The following EPHB1 variants were observed in gnomAD, a reference collection of about 807,000 sequenced individuals.
EPHB1 encodes EPH receptor B1.
Under a neutral mutation model 94.4 loss-of-function variants are expected in EPHB1, and 30 were observed. The observed-to-expected ratio is 0.32, with a 90% CI of 0.24 to 0.43. The LOEUF (loss-of-function observed/expected upper bound fraction) is 0.43, where lower values mean the gene tolerates loss of function less well. Among genes scored for constraint, EPHB1 ranks in the 20% least tolerant of loss-of-function variants. EPHB1 has a pLI of 1.00. For missense variants in EPHB1, 1,055 were observed against 1,308.3 expected, an observed-to-expected ratio of 0.81 and a Z score of 2.99; for synonymous variants, 522 against 489.1, an observed-to-expected ratio of 1.07 and a Z score of -0.89.
Position 134,982,039 on chromosome 3 carries a change from C to G in EPHB1, c.805+29987C>G, listed in dbSNP as rs750843866. Among the ~76,000 whole-genome samples the G allele has an allele frequency of 5.9e-5, 9 of 152,208 alleles. 1 individual carries two copies. Among genetic ancestry groups the G allele is most frequent in the Non-Finnish European group, 1.5e-5 (1 of 68,044 alleles). On this transcript the variant is annotated intron_variant, in intron 3 of 15. Transcript: ENST00000398015. ...TTACAAATGAGTAAGTTTAACTTCA[C>G]AGGGGTTAAGTTGCTCGTTCAATAT...
At chr3:134,908,821 C>T (rs1281301279) in intron 1 of EPHB1, among the ~76,000 whole-genome samples, 2 of 152,040 alleles carry the variant, frequency 1.3e-5, no homozygotes, top group African/African-American at 4.8e-5. Context: ...AGCTTCTTGT[C>T]AGAGTCCTTC....
intron 1 of EPHB1, among the ~76,000 whole-genome samples, chr3:134,807,281 G>C (rs1325882664): frequency 1.3e-5 from 2 of 152,102 alleles, no homozygotes; most frequent in Non-Finnish European, 2.9e-5. Flanking sequence ...CACTGTACTC[G>C]GAACTGAAAA....
In EPHB1 at chr3:134,935,305, C is replaced by T. The variant is rs913578394; in HGVS notation, c.123+9425C>T. On this transcript the variant is annotated intron_variant, in intron 2 of 15. Coordinates refer to ENST00000398015, the MANE Select transcript of EPHB1 (RefSeq NM_004441.5). Reference sequence around the variant, plus strand: ...ATAAGACGAACAGGAGGAAAACAGGCGAAGAAGGGAGGGTCAGGGTTGTCA... The same window carrying T: ...ATAAGACGAACAGGAGGAAAACAGGTGAAGAAGGGAGGGTCAGGGTTGTCA... Among the ~76,000 whole-genome samples, 9 of 152,120 alleles carry T rather than the reference C, an allele frequency of 5.9e-5. 1 individual carries two copies. The highest frequency in any genetic ancestry group is 2.1e-4 in the South Asian group (1 of 4,812).
intron 1 of EPHB1, among the ~76,000 whole-genome samples, chr3:134,802,688 A>G (rs1469111146): frequency 6.6e-6 from 1 of 152,230 alleles, no homozygotes; most frequent in Non-Finnish European, 1.5e-5. Context: ...ATGTAGCATT[A>G]TCTGCCAGAT....
At chr3:134,962,320 C>T (rs892322017) in intron 3 of EPHB1, among the ~76,000 whole-genome samples, 25 of 152,232 alleles carry the variant, frequency 1.6e-4, no homozygotes, top group African/African-American at 4.8e-4. Flanking sequence ...GCAGGTGGTT[C>T]GGGTATGGTC....
intron 2 of EPHB1, among the ~76,000 whole-genome samples, chr3:134,931,954 A>G (rs2038912785): frequency 6.6e-6 from 1 of 151,952 alleles, no homozygotes. Flanking sequence ...TATGTGTATG[A>G]ATATATATGA....
At chr3:134,836,793 T>A (rs1327683938) in intron 1 of EPHB1, among the ~76,000 whole-genome samples, 2 of 152,248 alleles carry the variant, frequency 1.3e-5, no homozygotes, top group African/African-American at 4.8e-5. Context: ...CTTTGACATT[T>A]ACTTTCTTCT....
intron 1 of EPHB1, among the ~76,000 whole-genome samples, chr3:134,836,558 AATAACGG>A (rs1303853198): frequency 6.6e-6 from 1 of 152,330 alleles, no homozygotes; most frequent in Non-Finnish European, 1.5e-5. Flanking sequence ...TCATTAGGTA[AATAACGG>A]ATAACAGAAA....
At chr3:135,250,575 T>G (rs1310286182) in intron 15 of EPHB1, among the ~76,000 whole-genome samples, 1 of 152,118 alleles carries the variant, frequency 6.6e-6, no homozygotes, top group Non-Finnish European at 1.5e-5. Context: ...TTTTTAAAGC[T>G]CCTCAGGTGA....
intron 3 of EPHB1, among the ~76,000 whole-genome samples, chr3:135,090,485 T>A (rs1938515149): frequency 6.6e-6 from 1 of 152,254 alleles, no homozygotes; most frequent in South Asian, 2.1e-4. Context: ...TGGTTATTAC[T>A]CATGGTTGTT....
chr3:135,249,287 C>A (rs1051046749), intron 14 of EPHB1, 49 bp from the exon 15 acceptor site: 3 of 1,572,044 alleles, frequency 1.9e-6, no homozygotes, highest in African/African-American at 2.7e-5. Flanking sequence ...GGGGCACTGT[C>A]CATGCATCTC....
intron 9 of EPHB1, among the ~76,000 whole-genome samples, chr3:135,171,580 G>A (rs913439734): frequency 1.6e-4 from 25 of 152,174 alleles, no homozygotes; most frequent in Non-Finnish European, 4.4e-5. Context: ...CAAAATGTTA[G>A]CAGGATAAAT....
At chr3:134,961,706 G>C (rs1933527950) in intron 3 of EPHB1, among the ~76,000 whole-genome samples, 2 of 152,340 alleles carry the variant, frequency 1.3e-5, no homozygotes, top group South Asian at 4.1e-4. Flanking sequence ...AAGTTTAACA[G>C]TAGTTTGGTT....
Position 134,952,071 on chromosome 3 carries a change from G to C in EPHB1, c.805+19G>C. 6.4e-7 allele frequency: 1 copy of C among 1,573,388 alleles called. No individual in the cohort carries two copies. On this transcript the variant is annotated intron_variant, in intron 3 of 15. Coordinates refer to ENST00000398015, the MANE Select transcript of EPHB1 (RefSeq NM_004441.5). ...TGCAAGGGTAAGCTTTGGAGCCTCTGCTTCCTGCCCATCTATGGCAGGGCC... is the reference window on the plus strand; with the variant it reads ...TGCAAGGGTAAGCTTTGGAGCCTCTCCTTCCTGCCCATCTATGGCAGGGCC...
intron 3 of EPHB1, among the ~76,000 whole-genome samples, chr3:134,978,504 G>A (rs1483476432): frequency 6.6e-6 from 1 of 152,156 alleles, no homozygotes; most frequent in Non-Finnish European, 1.5e-5. Context: ...TCGGTGCTAA[G>A]GGGTTCCCAG....
intron 1 of EPHB1, among the ~76,000 whole-genome samples, chr3:134,839,995 C>G (rs2036746900): frequency 6.6e-6 from 1 of 152,182 alleles, no homozygotes; most frequent in African/African-American, 2.4e-5. Context: ...AGGGAGCTAG[C>G]ATTTATTTAT....
chr3:134,854,738 G>A (rs1395939763), intron 1 of EPHB1, among the ~76,000 whole-genome samples: 1 of 152,110 alleles, frequency 6.6e-6, no homozygotes, highest in East Asian at 1.9e-4. Context: ...GCATGGCTTG[G>A]CCATAGAAAT....
chr3:135,076,261 A>ATATATATGTATATATG (rs1553729687), intron 3 of EPHB1, among the ~76,000 whole-genome samples: 2 of 112,560 alleles, frequency 1.8e-5, no homozygotes, highest in East Asian at 4.4e-4. Flanking sequence ...ATATATATAT[A>ATATATATGTATATATG]ACTCTTAAAT....
chr3:134,853,176 A>T (rs896079641), intron 1 of EPHB1, among the ~76,000 whole-genome samples: 1 of 152,198 alleles, frequency 6.6e-6, no homozygotes, highest in Non-Finnish European at 1.5e-5. Flanking sequence ...GACAAAGGGG[A>T]AGGCGAAAGC....
Sources: allele counts gnomAD v4.1 joint callset (sites outside exome capture counted in the v4.1 genomes callset), GRCh38; gene constraint gnomAD v4.1.1; transcripts MANE v1.5; gene names NCBI Gene and HGNC (gene_info 2026-07-23, HGNC 2026-07-21).